Variants in MYO15B observed in about 807,000 individuals in gnomAD.
MYO15B encodes myosin XVB pseudogene.
Under a neutral mutation model 119.3 loss-of-function variants are expected in MYO15B, and 207 were observed. The observed-to-expected ratio is 1.73, with a 90% CI of 1.55 to 1.95. The LOEUF is 1.95. Among genes scored for constraint, MYO15B ranks in the 30% most tolerant of loss-of-function variants. The probability of loss-of-function intolerance (pLI) is 0.00; values close to 1 mark genes in which losing one functional copy is unlikely to be tolerated. For missense variants in MYO15B, 2,264 were observed against 1,203.1 expected (o/e 1.88, Z -13.04); for synonymous variants, 966 against 498.9 (o/e 1.94, Z -12.48).
chr17:75,618,647 TCAA>T (rs1386547590), intron 43 of MYO15B, among the ~76,000 whole-genome samples: 14 of 152,282 alleles, frequency 9.2e-5, no homozygotes, highest in Non-Finnish European at 1.9e-4. Flanking sequence ...AGACTGTGTC[TCAA>T]CAACAACAAG....
chr17:75,610,849 C>T, intron 22 of MYO15B, 51 bp from the exon 23 acceptor site: 1 of 702,704 alleles, frequency 1.4e-6, no homozygotes, highest in Admixed American at 2.0e-5. Context: ...GGAGGTGCCC[C>T]CAGGTGACTC....
intron 21 of MYO15B, among the ~76,000 whole-genome samples, chr17:75,609,747 C>T: frequency 7.1e-6 from 1 of 141,560 alleles, no homozygotes; most frequent in South Asian, 2.6e-4. Flanking sequence ...GGTCTGTCAC[C>T]CAGGCTGGAG....
At chr17:75,624,840 T>C (rs553531928) in exon 59 of MYO15B, 6 of 703,008 alleles carry the variant, frequency 8.5e-6, no homozygotes, top group South Asian at 7.4e-5. Context: ...GACGTGAGCC[T>C]GCACAGCCGG....
chr17:75,612,122 T>G, intron 25 of MYO15B, 106 bp downstream of exon 25: 2 of 646,706 alleles, frequency 3.1e-6, no homozygotes, highest in Admixed American at 4.5e-5. Context: ...TTGCCCTCCT[T>G]CCTCCCCAGC....
intron 53 of MYO15B, among the ~76,000 whole-genome samples, chr17:75,623,558 A>G (rs772678714): frequency 9.9e-5 from 15 of 152,216 alleles, no homozygotes; most frequent in African/African-American, 3.4e-4. Flanking sequence ...TGGGAAGCAG[A>G]TTGCAGTGAG....
chr17:75,604,205 T>G (rs879415492), intron 19 of MYO15B, among the ~76,000 whole-genome samples: 5 of 152,060 alleles, frequency 3.3e-5, no homozygotes, highest in Non-Finnish European at 7.4e-5. Flanking sequence ...AATTGTCACC[T>G]CCAACAAGAA....
intron 19 of MYO15B, among the ~76,000 whole-genome samples, chr17:75,604,199 G>A (rs2057468300): frequency 6.6e-6 from 1 of 152,074 alleles, no homozygotes; most frequent in African/African-American, 2.4e-5. Context: ...TACAGCAATT[G>A]TCACCTCCAA....
At chr17:75,616,850 G>A (rs889467918) in intron 39 of MYO15B, 24 bp from the exon 40 acceptor site, 2 of 703,072 alleles carry the variant, frequency 2.8e-6, no homozygotes, top group African/African-American at 1.7e-5. Flanking sequence ...TATGAACTTA[G>A]TGACCTCTTG....
At chr17:75,620,765 C>G in intron 49 of MYO15B, 129 bp downstream of exon 49, 2 of 700,430 alleles carry the variant, frequency 2.9e-6, no homozygotes, top group Non-Finnish European at 5.2e-6. Context: ...GTGGCTGCCC[C>G]TCTGCCCGCT....
chr17:75,624,564 G>A, exon 58 of MYO15B: 1 of 703,054 alleles, frequency 1.4e-6, no homozygotes, highest in Non-Finnish European at 2.6e-6. Flanking sequence ...AGTGCAGGAG[G>A]AGCTGTGCCG....
chr17:75,617,209 G>C, exon 41 of MYO15B: 1 of 698,150 alleles, frequency 1.4e-6, no homozygotes, highest in Non-Finnish European at 2.6e-6. Flanking sequence ...GACCTGTTTG[G>C]CCAGAAGCTG....
chr17:75,626,338 G>A, intron 63 of MYO15B, 69 bp from the exon 64 acceptor site: 1 of 701,632 alleles, frequency 1.4e-6, no homozygotes, highest in Non-Finnish European at 2.6e-6. Context: ...GCTCCGGAGT[G>A]CTGTGGGCCG....
intron 21 of MYO15B, among the ~76,000 whole-genome samples, chr17:75,607,756 C>T (rs1299558494): frequency 2.0e-5 from 3 of 152,114 alleles, no homozygotes; most frequent in Non-Finnish European, 4.4e-5. Flanking sequence ...CCACTGCACC[C>T]GGCCTGTTCT....
At chr17:75,596,315 G>T (rs781137985) in intron 12 of MYO15B, 145 bp from the exon 13 acceptor site, 8 of 613,030 alleles carry the variant, frequency 1.3e-5, no homozygotes, top group Non-Finnish European at 1.8e-5. Context: ...GTGCTGTGCC[G>T]GATCCTTTAG....
intron 52 of MYO15B, 43 bp downstream of exon 52, chr17:75,621,613 C>T: frequency 2.9e-6 from 2 of 690,986 alleles, no homozygotes; most frequent in Non-Finnish European, 5.3e-6. Context: ...TCTGCAGTGC[C>T]ATGAACCTGG....
In MYO15B at chr17:75,614,190, C is replaced by A. The variant is rs1007433265; in HGVS notation, c.5220-9C>A. 1.4e-5 allele frequency: 10 copies of A among 702,052 alleles called. No individual in the cohort carries two copies. Among genetic ancestry groups the A allele is most frequent in the Non-Finnish European group, 2.6e-5 (10 of 384,562 alleles). 43.5% of individuals were successfully genotyped at this position (702,052 alleles called of 1,614,324 possible). ...CGCCTGCCTCACTGACTGGTCCCCTCCCACCCAGAGGCCTGGAGGCGCCTC... is the reference window on the plus strand; with the variant it reads ...CGCCTGCCTCACTGACTGGTCCCCTACCACCCAGAGGCCTGGAGGCGCCTC... On this transcript the variant is annotated splice_polypyrimidine_tract_variant and intron_variant, in intron 29 of 63. Coordinates refer to ENST00000645453, the Ensembl canonical transcript of MYO15B.
intron 22 of MYO15B, chr17:75,610,653 G>A (rs968876580): frequency 1.9e-5 from 11 of 569,290 alleles, no homozygotes; most frequent in Non-Finnish European, 2.5e-5. Context: ...TTTGTCCCCT[G>A]GGACCATTTC....
chr17:75,592,868 C>T, intron 9 of MYO15B, 28 bp downstream of exon 9: 1 of 694,852 alleles, frequency 1.4e-6, no homozygotes, highest in Admixed American at 2.0e-5. Flanking sequence ...CAGGGGCCAT[C>T]TGGGGTGCTG....
rs114520149 is a variant in MYO15B, at chr17:75,622,629, G to A, written c.8082+549G>A. On this transcript the variant is annotated intron_variant, in intron 53 of 63. Transcript: ENST00000645453. ...CGGCTTACATTTCACAGGGTCACTC[G>A]GCTGTTGTTTGAGATTCTGGGTGTC... 1.7e-3 allele frequency among the ~76,000 whole-genome samples: 266 copies of A among 152,310 alleles called. 1 individual carries two copies. The highest frequency in any genetic ancestry group is 4.9e-3 in the African/African-American group (205 of 41,556).
Sources: gnomAD v4.1 joint callset for allele counts (sites outside exome capture counted in the v4.1 genomes callset) on GRCh38, gnomAD v4.1.1 for gene constraint, MANE v1.5 for transcripts, NCBI Gene and HGNC (gene_info 2026-07-23, HGNC 2026-07-21) for gene names.